Variants in GAS7 observed in about 807,000 individuals in gnomAD.
GAS7 encodes growth arrest-specific protein 7.
GAS7 carries 28 observed loss-of-function variants against 71.1 expected under a neutral mutation model. The ratio of observed to expected loss-of-function variants is 0.39; its 90% confidence interval spans 0.29 to 0.54. The LOEUF (loss-of-function observed/expected upper bound fraction) is 0.54, where lower values mean the gene tolerates loss of function less well. Among genes scored for constraint, GAS7 ranks in the 20% least tolerant of loss-of-function variants. GAS7 has a pLI of 0.62. For missense variants in GAS7, 436 were observed against 627.8 expected (o/e 0.69, Z 3.27); for synonymous variants, 258 against 245.8 (o/e 1.05, Z -0.46).
chr17:10,191,815 T>C (rs2074504026), intron 1 of GAS7, among the ~76,000 whole-genome samples: 2 of 134,228 alleles, frequency 1.5e-5, no homozygotes, highest in South Asian at 2.3e-4. Flanking sequence ...GCGGAGGTTG[T>C]AGTGAGCCGA....
At chr17:10,037,977 TC>T (rs767730484) in intron 1 of GAS7, among the ~76,000 whole-genome samples, 2 of 151,914 alleles carry the variant, frequency 1.3e-5, no homozygotes, top group East Asian at 3.9e-4. Flanking sequence ...TTAAAGATGC[TC>T]AATATCACTA....
At chr17:9,962,239 TACACACAC>T (rs58521200) in intron 4 of GAS7, among the ~76,000 whole-genome samples, 20 of 148,614 alleles carry the variant, frequency 1.3e-4, no homozygotes, top group Non-Finnish European at 2.7e-4. Context: ...GTGCATTTTA[TACACACAC>T]ACACACACAC....
rs2067491014 is a variant in GAS7 at position 9,913,336 on chromosome 17, T to G, written c.*3892A>C. ...TCCGACCTACACAAGGAATGCATCT[T>G]GAGCCTTCTGTTTAAACACTCCTTG... On this transcript the variant is annotated 3_prime_UTR_variant, in exon 14 of 14. Coordinates refer to ENST00000432992, the MANE Select transcript of GAS7 (RefSeq NM_201433.2). 4.3e-6 allele frequency: 1 copy of G among 232,562 alleles called. No individual in the cohort carries two copies. Among genetic ancestry groups the G allele is most frequent in the South Asian group, 1.8e-4 (1 of 5,512 alleles). 14.4% of individuals were successfully genotyped at this position (232,562 alleles called of 1,614,324 possible). A position where few individuals can be genotyped will look rare whatever the true frequency, so the allele number is the denominator to read the frequency against.
intron 1 of GAS7, among the ~76,000 whole-genome samples, chr17:10,070,593 A>G (rs949284257): frequency 6.6e-6 from 1 of 151,328 alleles, no homozygotes; most frequent in Non-Finnish European, 1.5e-5. Flanking sequence ...CGAACTCCTG[A>G]CCTCTGGTGA....
intron 2 of GAS7, among the ~76,000 whole-genome samples, chr17:10,015,784 A>T (rs1597693101): frequency 6.6e-6 from 1 of 151,430 alleles, no homozygotes; most frequent in Non-Finnish European, 1.5e-5. Context: ...TCAGTAAGAC[A>T]CTCCCCATCC....
intron 1 of GAS7, among the ~76,000 whole-genome samples, chr17:10,192,747 G>A (rs918941313): frequency 2.0e-5 from 3 of 152,192 alleles, no homozygotes; most frequent in Non-Finnish European, 4.4e-5. Context: ...GACAAAAGAG[G>A]TGGTTCCTTC....
chr17:10,053,685 G>T (rs930648956), intron 1 of GAS7, among the ~76,000 whole-genome samples: 10 of 152,122 alleles, frequency 6.6e-5, no homozygotes, highest in African/African-American at 2.2e-4. Context: ...GATTTGCTGA[G>T]ATCTCAAAAT....
At chr17:9,991,731 C>T (rs888721541) in intron 2 of GAS7, among the ~76,000 whole-genome samples, 6 of 152,088 alleles carry the variant, frequency 3.9e-5, no homozygotes, top group Non-Finnish European at 8.8e-5. Flanking sequence ...ATTTAAAAGA[C>T]GATCACTGAC....
chr17:9,945,948 C>T (rs2068770693), intron 6 of GAS7, among the ~76,000 whole-genome samples: 1 of 152,140 alleles, frequency 6.6e-6, no homozygotes. Context: ...CACACCACTG[C>T]ACTCCAGCCT....
In GAS7 at chr17:10,143,014, TA is replaced by T. The variant is rs1416010012; in HGVS notation, c.183+55193del. ...GGCGAAACCCCATCTCTACTAAAAA[TA>T]CAAAAAAAAAAAAAAAATTAGCCAG... On this transcript the variant is annotated intron_variant, in intron 1 of 13. Transcript: ENST00000432992. Among the ~76,000 whole-genome samples, 24 of 38,958 alleles carry T rather than the reference TA, an allele frequency of 6.2e-4. 1 individual carries two copies. The highest frequency in any genetic ancestry group is 3.4e-3 in the East Asian group (5 of 1,460). The allele number at this position is 38,958 out of a possible 152,430, so 25.6% of individuals were successfully genotyped here.
rs182288949 is a variant in GAS7, at chr17:9,981,320, G to T, written c.385+484C>A. On this transcript the variant is annotated intron_variant, in intron 3 of 13. Coordinates refer to ENST00000432992, the MANE Select transcript of GAS7 (RefSeq NM_201433.2). This position sits in a 1 kb window ranked among gnomAD's most constrained non-coding sequence, Gnocchi z 4.4. ...GAGAAACAAACAAACAAACAAAAAAGAACGTCCATCTCAACTGCCTCTGCT... is the reference window on the plus strand; with the variant it reads ...GAGAAACAAACAAACAAACAAAAAATAACGTCCATCTCAACTGCCTCTGCT... Among the ~76,000 whole-genome samples, 2 of 151,980 alleles carry T rather than the reference G, an allele frequency of 1.3e-5. No homozygotes were observed. Among genetic ancestry groups the T allele is most frequent in the South Asian group, 4.1e-4 (2 of 4,820 alleles).
intron 7 of GAS7, among the ~76,000 whole-genome samples, chr17:9,941,002 C>G (rs755045973): frequency 1.3e-5 from 2 of 152,230 alleles, no homozygotes; most frequent in Non-Finnish European, 1.5e-5. Context: ...GTCCACCACA[C>G]GGTGAACAGA....
intron 3 of GAS7, among the ~76,000 whole-genome samples, chr17:9,978,865 G>C (rs769769830): frequency 1.3e-5 from 2 of 152,044 alleles, no homozygotes; most frequent in Non-Finnish European, 2.9e-5. Context: ...TGAGGCTCTG[G>C]GTCACTCTAG....
intron 1 of GAS7, among the ~76,000 whole-genome samples, chr17:10,159,569 G>T (rs114430431): frequency 0.013 from 1,973 of 152,092 alleles, 32 homozygotes; most frequent in African/African-American, 0.046. Context: ...TCACCAAAAA[G>T]AATAACTTCT....
intron 1 of GAS7, among the ~76,000 whole-genome samples, chr17:10,092,199 C>T (rs1020879907): frequency 1.3e-5 from 2 of 152,174 alleles, no homozygotes; most frequent in East Asian, 1.9e-4. Context: ...ACCTACAAGG[C>T]TGCTCCCTCA....
At position 10,148,909 on chromosome 17, in the gene GAS7, C is replaced by CAAAAAAAAAA. The variant is rs752140645; in HGVS notation, c.183+49289_183+49298dup. 4.3e-5 allele frequency among the ~76,000 whole-genome samples: 5 copies of CAAAAAAAAAA among 117,310 alleles called. 1 individual carries two copies. Among genetic ancestry groups the CAAAAAAAAAA allele is most frequent in the African/African-American group, 6.5e-5 (2 of 30,928 alleles). The allele number at this position is 117,310 out of a possible 152,430, so 77.0% of individuals were successfully genotyped here. ...TGGGCGACAGAGAAAGACTCCGCCT[C>CAAAAAAAAAA]AAAAAAAAAAAAAAAAAGAATCCTC... is the stretch of plus-strand genomic sequence containing the variant. On this transcript the variant is annotated intron_variant, in intron 1 of 13. Transcript: ENST00000432992.
chr17:10,087,790 A>G lies in GAS7; in HGVS notation c.184-67893T>C, dbSNP rs575263542. On this transcript the variant is annotated intron_variant, in intron 1 of 13. Transcript: ENST00000432992. ...ACTTCTAAAAATCCACAGGTCTCTC[A>G]GAATCCTCTAAGAAAGTAAGCGAAA... 9.2e-5 allele frequency among the ~76,000 whole-genome samples: 14 copies of G among 152,308 alleles called. No individual in the cohort carries two copies. In the South Asian group the frequency reaches 2.9e-3, roughly 32 times the overall value.
intron 1 of GAS7, among the ~76,000 whole-genome samples, chr17:10,191,555 CA>C (rs59145222): frequency 0.034 from 3,034 of 88,130 alleles, 42 homozygotes; most frequent in Non-Finnish European, 0.037. Flanking sequence ...GACCCTGTGT[CA>C]AAAAAAAAAA....
intron 1 of GAS7, among the ~76,000 whole-genome samples, chr17:10,197,916 T>G (rs1213529995): frequency 6.6e-6 from 1 of 152,174 alleles, no homozygotes; most frequent in Non-Finnish European, 1.5e-5. Context: ...CGCCTGCTCC[T>G]TAACTCACAC....
Sources: allele counts gnomAD v4.1 joint callset (sites outside exome capture counted in the v4.1 genomes callset), GRCh38; gene constraint gnomAD v4.1.1; non-coding constraint Gnocchi (gnomAD v3.1); transcripts MANE v1.5; gene names NCBI Gene and HGNC (gene_info 2026-07-23, HGNC 2026-07-21).